CACNG6: variants seen among roughly 807,000 people sequenced by gnomAD.
CACNG6 encodes the protein calcium voltage-gated channel auxiliary subunit gamma 6.
A neutral mutation model predicts 23.9 loss-of-function variants in CACNG6; 21 were observed. The observed-to-expected ratio is 0.88, with a 90% confidence interval of 0.62 to 1.26. CACNG6 has a LOEUF of 1.26. Ranked by LOEUF, CACNG6 falls within the 50% of genes most tolerant of loss-of-function variation. The probability of loss-of-function intolerance (pLI) is 0.00; values close to 1 mark genes in which losing one functional copy is unlikely to be tolerated. For missense variants in CACNG6, 340 were observed against 352.9 expected (o/e 0.96, Z 0.29); for synonymous variants, 182 against 168.9 (o/e 1.08, Z -0.60).
intron 3 of CACNG6, among the ~76,000 whole-genome samples, chr19:54,002,212 GCCT>G (rs1344029199): frequency 1.3e-5 from 2 of 150,538 alleles, no homozygotes; most frequent in East Asian, 3.9e-4. Context: ...CTACCTTTCA[GCCT>G]CCTGAGTAGC....
Position 54,012,056 on chromosome 19 carries a change from A to G in CACNG6, c.650A>G (p.Tyr217Cys). Residue 217 changes from tyrosine (Y) to cysteine (C), a missense_variant, in exon 4 of 4, where the codon TAC (tyrosine) becomes TGC (cysteine). Coordinates refer to ENST00000252729, the MANE Select transcript of CACNG6 (RefSeq NM_145814.2). ...CCGGCCCCACGCCTCACCTACGAGT[A>G]CTCCTGGTCCCTGGGCTGCGGCGTG... ...PPPAPRLTYE[Y>C]SWSLGCGVGA... 1 of 1,603,606 alleles carries G rather than the reference A, an allele frequency of 6.2e-7. No homozygotes were observed. Among genetic ancestry groups the G allele is most frequent in the South Asian group, 1.1e-5 (1 of 90,046 alleles).
intron 3 of CACNG6, among the ~76,000 whole-genome samples, chr19:54,006,091 A>AAATAAATAAATAAAT (rs2069640665): frequency 7.1e-6 from 1 of 140,538 alleles, no homozygotes; most frequent in South Asian, 2.3e-4. Flanking sequence ...CTCTGTTTCA[A>AAATAAATAAATAAAT]AAATAAATAA....
At chr19:54,011,447 A>AAAAAAAC (rs1555819848) in intron 3 of CACNG6, among the ~76,000 whole-genome samples, 14 of 115,122 alleles carry the variant, frequency 1.2e-4, no homozygotes, top group African/African-American at 9.9e-5. Flanking sequence ...AAAAAAAAAA[A>AAAAAAAC]AAAAAACAAA....
intron 3 of CACNG6, among the ~76,000 whole-genome samples, chr19:54,009,803 G>A (rs567209244): frequency 6.8e-6 from 1 of 147,948 alleles, no homozygotes; most frequent in African/African-American, 2.5e-5. Context: ...AAATCAGCCT[G>A]TAATCCCAGC....
chr19:54,011,205 A>AAAAAAATATAT (rs58054808), intron 3 of CACNG6, among the ~76,000 whole-genome samples: 53 of 102,476 alleles, frequency 5.2e-4, no homozygotes, highest in African/African-American at 2.5e-3. Context: ...AAAAAAAAAA[A>AAAAAAATATAT]ATATATATAT....
chr19:54,003,708 T>C (rs1016844698), intron 3 of CACNG6, among the ~76,000 whole-genome samples: 1 of 152,132 alleles, frequency 6.6e-6, no homozygotes, highest in African/African-American at 2.4e-5. Context: ...GTGTTTTGAA[T>C]GCAAACACTT....
intron 3 of CACNG6, among the ~76,000 whole-genome samples, chr19:54,000,478 G>A (rs1381745428): frequency 6.6e-6 from 1 of 152,196 alleles, no homozygotes; most frequent in Non-Finnish European, 1.5e-5. Context: ...TGCATCTTGT[G>A]AAATGTAGCC....
At chr19:53,994,699 G>A (rs181361100) in intron 1 of CACNG6, among the ~76,000 whole-genome samples, 8 of 152,202 alleles carry the variant, frequency 5.3e-5, no homozygotes, top group East Asian at 3.9e-4. Flanking sequence ...GATTTCCCTC[G>A]TCCCTCACTT....
intron 1 of CACNG6, among the ~76,000 whole-genome samples, chr19:53,994,057 C>A (rs1406509899): frequency 6.6e-6 from 1 of 151,946 alleles, no homozygotes; most frequent in Non-Finnish European, 1.5e-5. Flanking sequence ...CGTGCCCACT[C>A]TGCATGTGCC....
chr19:54,001,380 G>C (rs1047091231), intron 3 of CACNG6, among the ~76,000 whole-genome samples: 9 of 151,812 alleles, frequency 5.9e-5, no homozygotes, highest in Non-Finnish European at 1.3e-4. Context: ...GTAGAGACAG[G>C]GTTTCATCAT....
intron 1 of CACNG6, among the ~76,000 whole-genome samples, chr19:53,997,968 T>G (rs1280973039): frequency 1.3e-5 from 2 of 152,150 alleles, no homozygotes; most frequent in African/African-American, 4.8e-5. Context: ...TTATCTCGTT[T>G]TAAAGAGGAG....
intron 3 of CACNG6, among the ~76,000 whole-genome samples, chr19:54,011,698 TC>T (rs1267997489): frequency 5.3e-5 from 8 of 151,366 alleles, no homozygotes; most frequent in African/African-American, 1.5e-4. Context: ...CTCCCCTTTT[TC>T]CTCTTCCCTC....
rs2069482052 is a variant in CACNG6 at position 53,993,103 on chromosome 19, T to A, written c.226T>A (p.Cys76Ser). The change falls in exon 1 of 4, where the codon TGC becomes AGC. Residue 76 changes from cysteine to serine, a missense_variant. By Grantham distance (112) the Cys-to-Ser change is moderately radical. Transcript: ENST00000252729. The part of the protein sequence containing the change: ...NTYKANGSAV[C>S]EAAHLGLWKA... Reference sequence around the variant, plus strand: ...CTACAAGGCCAACGGCAGCGCCGTGTGCGAAGCGGCCCACCTGGGGCTGTG... The same window carrying A: ...CTACAAGGCCAACGGCAGCGCCGTGAGCGAAGCGGCCCACCTGGGGCTGTG... 1 of 1,546,786 alleles carries A rather than the reference T, an allele frequency of 6.5e-7. No individual in the cohort carries two copies. The highest frequency in any genetic ancestry group is 2.0e-5 in the Admixed American group (1 of 50,722).
At chr19:54,005,065 C>G (rs555398883) in intron 3 of CACNG6, among the ~76,000 whole-genome samples, 1 of 151,158 alleles carries the variant, frequency 6.6e-6, no homozygotes, top group Admixed American at 6.6e-5. Flanking sequence ...AAAAATCAGC[C>G]GGGCGTGGTG....
At position 53,997,935 on chromosome 19, in the gene CACNG6, C is replaced by G. The variant is rs145535451; in HGVS notation, c.332-304C>G. Among the ~76,000 whole-genome samples the G allele has an allele frequency of 4.6e-5, 7 of 152,186 alleles. No homozygotes were observed. The South Asian group carries it at 8.3e-4, about 18-fold the overall frequency. On this transcript the variant is annotated intron_variant, in intron 1 of 3. Coordinates refer to ENST00000252729, the MANE Select transcript of CACNG6 (RefSeq NM_145814.2). Reference sequence around the variant, plus strand: ...CCACTTGACCCTCAACAAACCCATACGAAGGGGCCAGGAAAGAGATTATTA... The same window carrying G: ...CCACTTGACCCTCAACAAACCCATAGGAAGGGGCCAGGAAAGAGATTATTA...
In CACNG6 at chr19:53,999,742, G is replaced by A. The variant is rs764730263; in HGVS notation, c.515G>A (p.Arg172Gln). 8.7e-6 allele frequency: 14 copies of A among 1,613,948 alleles called. No individual in the cohort carries two copies. The highest frequency in any genetic ancestry group is 9.3e-6 in the Non-Finnish European group (11 of 1,180,048). The change falls in exon 3 of 4, where the codon CGA (arginine) becomes CAA (glutamine). Residue 172 changes from arginine (R) to glutamine (Q), a missense_variant. Physicochemically the swap from Arg to Gln is conservative, Grantham distance 43 (BLOSUM62 1). Transcript: ENST00000252729. The stretch of plus-strand genomic sequence containing the variant: ...AGTAAAGGTGCAGAGTTCCTGCTCC[G>A]AGTTGGAGCCGTCTGCTTTGGCCTC... Reference protein sequence around the residue: ...VLSKGAEFLLRVGAVCFGLSG... With the variant: ...VLSKGAEFLLQVGAVCFGLSG...
At chr19:53,999,886 C>G in intron 3 of CACNG6, 115 bp downstream of exon 3, 1 of 1,292,602 alleles carries the variant, frequency 7.7e-7, no homozygotes, top group Non-Finnish European at 1.1e-6. Context: ...GAGATGGAAT[C>G]TCTATGCACT....
In CACNG6 at chr19:53,994,659, A is replaced by C. The variant is rs374957450; in HGVS notation, c.331+1451A>C. On this transcript the variant is annotated intron_variant, in intron 1 of 3. Transcript: ENST00000252729. ...CTATCATCCCAGTGCCCCTCAAAGA[A>C]TATGGCCTATTTTTCTGGGCTCCGT... Among the ~76,000 whole-genome samples the C allele has an allele frequency of 3.9e-5, 6 of 152,222 alleles. No homozygotes were observed. In the East Asian group the frequency reaches 9.7e-4, roughly 25 times the overall value.
In CACNG6 at chr19:54,004,335, T is replaced by TTGTG. The variant is rs4022332; in HGVS notation, c.544+4618_544+4621dup. On this transcript the variant is annotated intron_variant, in intron 3 of 3. Transcript: ENST00000252729. Reference sequence around the variant, plus strand: ...ACCACGCCTGGTTAATTTTGTATTTTTGTGTGTGTGTGTGTGTGTGTGTGT... The same window carrying TTGTG: ...ACCACGCCTGGTTAATTTTGTATTTTTGTGTGTGTGTGTGTGTGTGTGTGTGTGT... 8.5e-3 allele frequency among the ~76,000 whole-genome samples: 912 copies of TTGTG among 107,262 alleles called. 10 individuals are homozygous for TTGTG. The highest frequency in any genetic ancestry group is 0.014 in the Middle Eastern group (3 of 218). The allele number at this position is 107,262 out of a possible 152,430, so 70.4% of individuals were successfully genotyped here.
Sources: gnomAD v4.1 joint callset for allele counts (sites outside exome capture counted in the v4.1 genomes callset) on GRCh38, gnomAD v4.1.1 for gene constraint, MANE v1.5 for transcripts, NCBI Gene and HGNC (gene_info 2026-07-23, HGNC 2026-07-21) for gene names.